SLC30A8: variants seen among roughly 807,000 people sequenced by gnomAD.
The protein encoded by SLC30A8 is proton-coupled zinc antiporter SLC30A8.
SLC30A8 carries 27 observed loss-of-function variants against 36.9 expected under a neutral mutation model. The ratio of observed to expected loss-of-function variants is 0.73; its 90% confidence interval spans 0.54 to 1.01. The LOEUF is 1.01. Among genes scored for constraint, SLC30A8 ranks in the 50% least tolerant of loss-of-function variants. The probability of loss-of-function intolerance (pLI) is 0.00; values close to 1 mark genes in which losing one functional copy is unlikely to be tolerated. For missense variants in SLC30A8, 439 were observed against 452.0 expected (o/e 0.97, Z 0.26); for synonymous variants, 164 against 172.4 (o/e 0.95, Z 0.38).
At chr8:116,990,565 A>C (rs1586368596) in intron 1 of SLC30A8, among the ~76,000 whole-genome samples, 1 of 152,204 alleles carries the variant, frequency 6.6e-6, no homozygotes, top group East Asian at 1.9e-4. Flanking sequence ...TAACTTATGC[A>C]AAATAAGGAA....
At chr8:116,958,709 T>A (rs1764442807) in intron 1 of SLC30A8, among the ~76,000 whole-genome samples, 1 of 152,112 alleles carries the variant, frequency 6.6e-6, no homozygotes, top group African/African-American at 2.4e-5. Context: ...GTTTATAGTT[T>A]TCGTTAAATT....
intron 1 of SLC30A8, among the ~76,000 whole-genome samples, chr8:117,002,078 C>G (rs930282996): frequency 8.5e-5 from 13 of 152,192 alleles, no homozygotes; most frequent in African/African-American, 2.9e-4. Flanking sequence ...TTCCAAAGTC[C>G]TTGCTTCTGT....
chr8:117,131,886 A>T (rs1211988111), upstream of SLC30A8, among the ~76,000 whole-genome samples: 1 of 151,998 alleles, frequency 6.6e-6, no homozygotes, highest in East Asian at 1.9e-4. Context: ...TGAGAAACGG[A>T]AAAACACAGT....
intron 2 of SLC30A8, among the ~76,000 whole-genome samples, chr8:117,079,124 G>A (rs536270886): frequency 9.2e-5 from 14 of 152,026 alleles, no homozygotes; most frequent in Admixed American, 5.2e-4. Flanking sequence ...TGATTCTCCT[G>A]CTTCAGCCTC....
chr8:117,052,987 A>G (rs1001773399), intron 2 of SLC30A8, among the ~76,000 whole-genome samples: 1 of 151,158 alleles, frequency 6.6e-6, no homozygotes, highest in Admixed American at 6.6e-5. Flanking sequence ...GCTCACTGCA[A>G]CCTCCGCCTC....
At position 117,157,777 on chromosome 8, in the gene SLC30A8, C is replaced by T. The variant is rs1822572727; in HGVS notation, c.505C>T (p.Pro169Ser). 1 of 1,613,934 alleles carries T rather than the reference C, an allele frequency of 6.2e-7. No homozygotes were observed. Among genetic ancestry groups the T allele is most frequent in the Admixed American group, 1.7e-5 (1 of 59,996 alleles). Residue 169 changes from proline to serine, a missense_variant, in exon 4 of 8, where the codon CCT (proline) becomes TCT (serine). Transcript: ENST00000456015. ...VYLACERLLY[P>S]DYQIQATVMI... ...CCTGGCATGTGAGCGCCTGCTGTAT[C>T]CTGATTACCAGATCCAGGCGACTGT...
intron 2 of SLC30A8, among the ~76,000 whole-genome samples, chr8:117,079,559 C>T (rs1818598063): frequency 6.6e-6 from 1 of 152,136 alleles, no homozygotes; most frequent in Non-Finnish European, 1.5e-5. Context: ...CTAAGCCAAT[C>T]AGATCATGAT....
rs187975739 is a variant in SLC30A8, at chr8:117,096,168, C to A, written c.-225-39112C>A. Among the ~76,000 whole-genome samples the A allele has an allele frequency of 3.8e-4, 58 of 152,272 alleles. 1 individual carries two copies. The highest frequency in any genetic ancestry group is 3.6e-3 in the Admixed American group (55 of 15,298). ...GCACTGATGGGGTTTGAACTTTGCT[C>A]TTTCCACGAGCATTATTAAGAAGGA... On this transcript the variant is annotated intron_variant, in intron 2 of 10. Coordinates refer to the SLC30A8 transcript ENST00000427715.
In SLC30A8 at chr8:117,174,463, A is replaced by G. The variant is rs1823565816; in HGVS notation, c.*1782A>G. ...GACAAATATACTCATCCCCCACCTC[A>G]GTGAGCTTGTTTAGGCAACCAGGAT... On this transcript the variant is annotated 3_prime_UTR_variant, in exon 8 of 8. Transcript: ENST00000456015. The G allele has an allele frequency of 6.6e-6, 1 of 152,532 alleles. No homozygotes were observed. Among genetic ancestry groups the G allele is most frequent in the Non-Finnish European group, 1.5e-5 (1 of 68,012 alleles). 9.4% of individuals were successfully genotyped at this position (152,532 alleles called of 1,614,324 possible).
chr8:116,975,878 T>TTAAG (rs1814984108), intron 1 of SLC30A8, among the ~76,000 whole-genome samples: 1 of 152,214 alleles, frequency 6.6e-6, no homozygotes, highest in Non-Finnish European at 1.5e-5. Flanking sequence ...AGGTGTCCTA[T>TTAAG]TAAGACTCTC....
At chr8:117,145,737 A>G (rs1267783832) in intron 1 of SLC30A8, among the ~76,000 whole-genome samples, 2 of 152,172 alleles carry the variant, frequency 1.3e-5, no homozygotes, top group South Asian at 2.1e-4. Context: ...CAGAAGAAAC[A>G]CTGAGCTTGG....
At chr8:117,049,639 C>T (rs1817650007) in intron 2 of SLC30A8, among the ~76,000 whole-genome samples, 3 of 152,172 alleles carry the variant, frequency 2.0e-5, no homozygotes, top group African/African-American at 2.4e-5. Context: ...GATATGTGTT[C>T]CCAGGTGGGC....
At chr8:117,023,306 A>G (rs1191449618) in intron 1 of SLC30A8, among the ~76,000 whole-genome samples, 1 of 152,168 alleles carries the variant, frequency 6.6e-6, no homozygotes, top group Non-Finnish European at 1.5e-5. Context: ...TGTGGAAGTC[A>G]GTGTGGCGAT....
chr8:117,073,133 C>A (rs200371188), intron 2 of SLC30A8, among the ~76,000 whole-genome samples: 2 of 152,090 alleles, frequency 1.3e-5, no homozygotes, highest in East Asian at 3.9e-4. Flanking sequence ...GAAAAATGTT[C>A]ATTTTCCACT....
At chr8:116,969,676 G>A (rs766297875) in intron 1 of SLC30A8, among the ~76,000 whole-genome samples, 1 of 152,212 alleles carries the variant, frequency 6.6e-6, no homozygotes. Context: ...CTGCAAATCT[G>A]TACTGCCTGT....
At chr8:117,172,414 C>A in intron 7 of SLC30A8, 122 bp from the exon 8 acceptor site, 1 of 1,331,398 alleles carries the variant, frequency 7.5e-7, no homozygotes, top group Non-Finnish European at 1.1e-6. Flanking sequence ...GTGGCTTCCT[C>A]TGAGTGCCCT....
rs1359802879 is a variant in SLC30A8 at position 117,101,073 on chromosome 8, A to G, written c.-225-34207A>G. On this transcript the variant is annotated intron_variant, in intron 2 of 10. Coordinates refer to the SLC30A8 transcript ENST00000427715. ...ACGAGTGAATGATAGAAGCTACCAGATAAGTTTTAATCTTAGACTCTGTAT... is the reference window on the plus strand; with the variant it reads ...ACGAGTGAATGATAGAAGCTACCAGGTAAGTTTTAATCTTAGACTCTGTAT... 2.6e-5 allele frequency among the ~76,000 whole-genome samples: 4 copies of G among 152,182 alleles called. 1 individual carries two copies. The highest frequency in any genetic ancestry group is 6.6e-5 in the Admixed American group (1 of 15,262).
intron 1 of SLC30A8, among the ~76,000 whole-genome samples, chr8:116,990,053 A>G (rs925585722): frequency 6.6e-6 from 1 of 152,238 alleles, no homozygotes; most frequent in Non-Finnish European, 1.5e-5. Context: ...TCAATTGAAT[A>G]GCAAGAACTG....
Position 116,958,719 on chromosome 8 carries a change from T to A in SLC30A8, c.-266+7600T>A. Among the ~76,000 whole-genome samples, 2 of 152,126 alleles carry A rather than the reference T, an allele frequency of 1.3e-5. 1 individual carries two copies. The highest frequency in any genetic ancestry group is 3.8e-4 in the East Asian group (2 of 5,202). Reference sequence around the variant, plus strand: ...TCAAGGTTTATAGTTTTCGTTAAATTTGTAAACAATTTTATCATCACTTTA... The same window carrying A: ...TCAAGGTTTATAGTTTTCGTTAAATATGTAAACAATTTTATCATCACTTTA... On this transcript the variant is annotated intron_variant, in intron 1 of 10. Transcript: ENST00000427715.
Sources: gnomAD v4.1 joint callset for allele counts (sites outside exome capture counted in the v4.1 genomes callset) on GRCh38, gnomAD v4.1.1 for gene constraint, MANE v1.5 for transcripts, NCBI Gene and HGNC (gene_info 2026-07-23, HGNC 2026-07-21) for gene names.